TFDP2: variants seen among roughly 807,000 people sequenced by gnomAD.
TFDP2 encodes the protein transcription factor Dp-2 (E2F dimerization partner 2).
Under a neutral mutation model 59.3 loss-of-function variants are expected in TFDP2, and 17 were observed. The observed-to-expected ratio is 0.29, with a 90% CI of 0.20 to 0.43. TFDP2 has a LOEUF of 0.43. Among genes scored for constraint, TFDP2 ranks in the 20% least tolerant of loss-of-function variants. The pLI, the probability that TFDP2 is intolerant of heterozygous loss-of-function variation, is 1.00. For synonymous variants in TFDP2, 180 were observed against 194.7 expected, an observed-to-expected ratio of 0.92 and a Z score of 0.63; for missense variants, 391 against 528.8, an observed-to-expected ratio of 0.74 and a Z score of 2.56.
chr3:141,963,760 G>T, intron 10 of TFDP2, 52 bp downstream of exon 10: 1 of 1,547,002 alleles, frequency 6.5e-7, no homozygotes, highest in South Asian at 1.2e-5. Flanking sequence ...CAAATGATAT[G>T]AAAATGTTAA....
chr3:142,017,451 C>G (rs1372105523), intron 3 of TFDP2, among the ~76,000 whole-genome samples: 1 of 152,062 alleles, frequency 6.6e-6, no homozygotes, highest in Non-Finnish European at 1.5e-5. Context: ...GAATCACCAC[C>G]AAAATATTCC....
At position 142,041,723 on chromosome 3, in the gene TFDP2, C is replaced by T. The variant is rs550922955; in HGVS notation, c.83-36179G>A. 3.9e-5 allele frequency among the ~76,000 whole-genome samples: 6 copies of T among 152,244 alleles called. No homozygotes were observed. The South Asian group carries it at 1.0e-3, about 26-fold the overall frequency. On this transcript the variant is annotated intron_variant, in intron 3 of 12. Coordinates refer to ENST00000489671, the MANE Select transcript of TFDP2 (RefSeq NM_001178139.2). ...TCTCTTTCATGAATCATGCTTTTGG[C>T]GTTGTATCTAAAAATCATTGCCAAA...
intron 3 of TFDP2, among the ~76,000 whole-genome samples, chr3:142,024,837 T>C (rs934675403): frequency 2.0e-5 from 3 of 152,040 alleles, no homozygotes; most frequent in African/African-American, 7.2e-5. Flanking sequence ...CTGGCCAACA[T>C]GGTGAAATCC....
intron 3 of TFDP2, among the ~76,000 whole-genome samples, chr3:142,016,124 G>A (rs1945114177): frequency 6.6e-6 from 1 of 151,720 alleles, no homozygotes; most frequent in South Asian, 2.1e-4. Context: ...CAATTCTCCT[G>A]CCTCAGCCTC....
chr3:141,972,788 T>G (rs75380889), intron 8 of TFDP2, among the ~76,000 whole-genome samples: 2,166 of 152,262 alleles, frequency 0.014, 54 homozygotes, highest in African/African-American at 0.05. Context: ...GAGATTTGCC[T>G]TGTATAACCT....
chr3:142,062,585 A>C (rs1326070809), intron 3 of TFDP2, among the ~76,000 whole-genome samples: 1 of 151,898 alleles, frequency 6.6e-6, no homozygotes, highest in Admixed American at 6.6e-5. Flanking sequence ...ACTTTGAGAA[A>C]AATCATCTGG....
intron 7 of TFDP2, among the ~76,000 whole-genome samples, chr3:141,976,012 T>C (rs9289640): frequency 0.34 from 51,410 of 151,552 alleles, 9,026 homozygotes; most frequent in African/African-American, 0.44. Flanking sequence ...TCCCGAGTAG[T>C]TGGGATTACA....
chr3:142,070,159 G>A (rs1400418815), intron 3 of TFDP2, among the ~76,000 whole-genome samples: 25 of 151,774 alleles, frequency 1.6e-4, no homozygotes, highest in East Asian at 3.9e-4. Context: ...TGCCCATCTC[G>A]GCCTCCCAAA....
chr3:142,103,012 G>T (rs1053461897), intron 1 of TFDP2, among the ~76,000 whole-genome samples: 1 of 152,160 alleles, frequency 6.6e-6, no homozygotes, highest in Non-Finnish European at 1.5e-5. Context: ...GAGGCGAGTG[G>T]ATCACCTGAG....
intron 6 of TFDP2, among the ~76,000 whole-genome samples, chr3:141,979,117 A>C (rs1309205191): frequency 6.6e-6 from 1 of 152,232 alleles, no homozygotes; most frequent in Non-Finnish European, 1.5e-5. Flanking sequence ...GGCCGCATAT[A>C]CAACAGTAGT....
chr3:142,074,461 C>T (rs1378581260), intron 3 of TFDP2, among the ~76,000 whole-genome samples: 1 of 152,018 alleles, frequency 6.6e-6, no homozygotes, highest in African/African-American at 2.4e-5. Context: ...ACCTGCAATC[C>T]CAACACTTTG....
intron 1 of TFDP2, among the ~76,000 whole-genome samples, chr3:142,133,768 G>T (rs1428895903): frequency 2.0e-5 from 3 of 152,054 alleles, no homozygotes; most frequent in Admixed American, 2.0e-4. Context: ...AAAGTGCTGG[G>T]ATTACAGGTG....
chr3:142,123,118 C>G (rs2062109492), intron 1 of TFDP2, among the ~76,000 whole-genome samples: 1 of 152,032 alleles, frequency 6.6e-6, no homozygotes, highest in South Asian at 2.1e-4. Context: ...CGCACCACTA[C>G]AGCCCTGCTA....
At chr3:141,996,871 A>G (rs1242059856) in intron 4 of TFDP2, among the ~76,000 whole-genome samples, 2 of 152,232 alleles carry the variant, frequency 1.3e-5, no homozygotes, top group Non-Finnish European at 2.9e-5. Flanking sequence ...ATAGTTTAAA[A>G]AAATAAAAAC....
At chr3:142,001,200 C>T (rs746393296) in intron 4 of TFDP2, among the ~76,000 whole-genome samples, 1 of 152,156 alleles carries the variant, frequency 6.6e-6, no homozygotes, top group African/African-American at 2.4e-5. Flanking sequence ...GTTATCATAC[C>T]CCGCAGCTTG....
intron 1 of TFDP2, among the ~76,000 whole-genome samples, chr3:142,146,390 T>C (rs1467867272): frequency 1.3e-5 from 2 of 152,088 alleles, no homozygotes. Context: ...ATGACTTATA[T>C]ATATATATTA....
At position 142,025,478 on chromosome 3, in the gene TFDP2, G is replaced by A. The variant is rs954955011; in HGVS notation, c.83-19934C>T. On this transcript the variant is annotated intron_variant, in intron 3 of 12. Transcript: ENST00000489671. ...TGTTTTCCTTGTTAAGTAACTTATT[G>A]TCATGTCTACATTTATAATTGTAAG... Among the ~76,000 whole-genome samples the A allele has an allele frequency of 9.9e-5, 15 of 152,148 alleles. No homozygotes were observed. The South Asian group carries it at 2.9e-3, about 29-fold the overall frequency.
At chr3:142,011,431 GGAC>G (rs1944671173) in intron 3 of TFDP2, among the ~76,000 whole-genome samples, 1 of 125,302 alleles carries the variant, frequency 8.0e-6, no homozygotes, top group Non-Finnish European at 1.7e-5. Context: ...CATACTCTGG[GGAC>G]TGTGGTGGGG....
intron 1 of TFDP2, among the ~76,000 whole-genome samples, chr3:142,115,367 G>C (rs894452032): frequency 2.0e-5 from 3 of 147,910 alleles, no homozygotes; most frequent in Non-Finnish European, 4.4e-5. Flanking sequence ...CGCTCAGGCT[G>C]GAGTGCAGTG....
Sources: allele counts gnomAD v4.1 joint callset (sites outside exome capture counted in the v4.1 genomes callset), GRCh38; gene constraint gnomAD v4.1.1; transcripts MANE v1.5; gene names NCBI Gene and HGNC (gene_info 2026-07-23, HGNC 2026-07-21).